The following SCN1A variants were observed in gnomAD, a reference collection of about 807,000 sequenced individuals.
SCN1A encodes sodium channel protein type 1 subunit alpha.
In SCN1A, 13 loss-of-function variants were observed where a neutral mutation model predicts 193.7. The ratio of observed to expected loss-of-function variants is 0.07; its 90% confidence interval spans 0.04 to 0.11. SCN1A has a LOEUF of 0.11. Among genes scored for constraint, SCN1A ranks in the 10% least tolerant of loss-of-function variants. SCN1A has a pLI of 1.00. For synonymous variants in SCN1A, 781 were observed against 843.6 expected, an observed-to-expected ratio of 0.93 and a Z score of 1.29; for missense variants, 1,432 against 2,451.1, an observed-to-expected ratio of 0.58 and a Z score of 8.78.
In SCN1A at chr2:166,019,842, T is replaced by TA. The variant is rs1243168064; in HGVS notation, c.3430-4116dup. 2.0e-5 allele frequency among the ~76,000 whole-genome samples: 3 copies of TA among 152,028 alleles called. No homozygotes were observed. The East Asian group carries it at 5.8e-4, about 29-fold the overall frequency. On this transcript the variant is annotated intron_variant, in intron 19 of 28. Transcript: ENST00000674923. Reference sequence around the variant, plus strand: ...ATGGATGAAGTTTTTGTTTTCAACTTAGAGTTCCAACCAAATCTCCCAAAT... The same window carrying TA: ...ATGGATGAAGTTTTTGTTTTCAACTTAAGAGTTCCAACCAAATCTCCCAAAT...
At chr2:166,040,938 A>G (rs1460947866) in intron 16 of SCN1A, among the ~76,000 whole-genome samples, 1 of 152,212 alleles carries the variant, frequency 6.6e-6, no homozygotes, top group African/African-American at 2.4e-5. Context: ...TAATATCTCA[A>G]AAAGTATGTT....
chr2:166,131,755 A>G (rs79670354), upstream of SCN1A, among the ~76,000 whole-genome samples: 398 of 152,294 alleles, frequency 2.6e-3, 10 homozygotes, highest in East Asian at 0.065. Context: ...ATTCTTTCAA[A>G]TGTGTATCTC....
chr2:166,051,494 G>A (rs1410910002), intron 9 of SCN1A, among the ~76,000 whole-genome samples: 2 of 151,928 alleles, frequency 1.3e-5, no homozygotes, highest in East Asian at 1.9e-4. Context: ...TTTTTAGAGG[G>A]TGTTTTATTT....
At chr2:166,140,588 C>A (rs1419063009) in intron 1 of SCN1A, among the ~76,000 whole-genome samples, 1 of 152,174 alleles carries the variant, frequency 6.6e-6, no homozygotes, top group Non-Finnish European at 1.5e-5. Context: ...ATACACTAAA[C>A]ACATGAGTAG....
intron 1 of SCN1A, among the ~76,000 whole-genome samples, chr2:166,136,889 A>G (rs1691881659): frequency 1.3e-5 from 2 of 152,098 alleles, no homozygotes; most frequent in Non-Finnish European, 2.9e-5. Flanking sequence ...GTGGTCGGGG[A>G]GACTCTCCAA....
chr2:166,073,247 A>T, intron 4 of SCN1A, 111 bp downstream of exon 4: 3 of 1,302,184 alleles, frequency 2.3e-6, no homozygotes, highest in Non-Finnish European at 3.2e-6. Context: ...CATTTCTTAA[A>T]CAGAAGGATA....
chr2:166,093,632 C>T (rs1687066459), intron 2 of SCN1A, among the ~76,000 whole-genome samples: 1 of 152,116 alleles, frequency 6.6e-6, no homozygotes, highest in Non-Finnish European at 1.5e-5. Context: ...CGTGAGCCAC[C>T]ATGCATGGCC....
intron 13 of SCN1A, among the ~76,000 whole-genome samples, chr2:166,044,657 G>GA (rs869204887): frequency 6.6e-5 from 10 of 151,276 alleles, no homozygotes; most frequent in South Asian, 2.1e-4. Flanking sequence ...AAGTTAGGGG[G>GA]AAAAAAAACA....
intron 2 of SCN1A, among the ~76,000 whole-genome samples, chr2:166,089,120 C>A (rs1686478501): frequency 6.6e-6 from 1 of 152,124 alleles, no homozygotes; most frequent in African/African-American, 2.4e-5. Flanking sequence ...CTGCACCCAT[C>A]AACCTGTCAT....
chr2:166,054,050 C>T (rs1388898219), intron 7 of SCN1A, among the ~76,000 whole-genome samples: 1 of 151,778 alleles, frequency 6.6e-6, no homozygotes, highest in Non-Finnish European at 1.5e-5. Flanking sequence ...AGGAGAGAAA[C>T]AGAAAGAGGC....
intron 2 of SCN1A, among the ~76,000 whole-genome samples, chr2:166,111,062 AG>A (rs1689242889): frequency 6.6e-6 from 1 of 152,146 alleles, no homozygotes; most frequent in Admixed American, 6.5e-5. Flanking sequence ...CTTTATTAGT[AG>A]GGTGAGAACA....
At chr2:166,119,663 T>G (rs1690310364) in intron 2 of SCN1A, among the ~76,000 whole-genome samples, 1 of 152,188 alleles carries the variant, frequency 6.6e-6, no homozygotes, top group Non-Finnish European at 1.5e-5. Flanking sequence ...AAGTCTAATT[T>G]TATATTAGAC....
At chr2:166,088,512 CT>C (rs1686397452) in intron 2 of SCN1A, among the ~76,000 whole-genome samples, 1 of 152,024 alleles carries the variant, frequency 6.6e-6, no homozygotes, top group Admixed American at 6.6e-5. Context: ...GAAAATTTTC[CT>C]TTTTGTTATC....
chr2:166,018,108 T>C (rs1693553309), intron 19 of SCN1A, among the ~76,000 whole-genome samples: 1 of 152,028 alleles, frequency 6.6e-6, no homozygotes, highest in South Asian at 2.1e-4. Flanking sequence ...TTACTAGTAA[T>C]ATCATGCAAT....
At chr2:166,117,955 T>A (rs1267794650) in intron 2 of SCN1A, among the ~76,000 whole-genome samples, 1 of 123,238 alleles carries the variant, frequency 8.1e-6, no homozygotes, top group South Asian at 3.0e-4. Context: ...AGAGTGAGAC[T>A]CTGTCTCAAA....
At chr2:165,985,141 G>C (rs1688530849), downstream of SCN1A, 1 of 151,948 alleles carries the variant, frequency 6.6e-6, no homozygotes, top group Non-Finnish European at 1.5e-5. Flanking sequence ...CAGACAAAAA[G>C]GATCAGTCAA....
intron 2 of SCN1A, among the ~76,000 whole-genome samples, chr2:166,098,731 G>C (rs1687684199): frequency 6.6e-6 from 1 of 152,020 alleles, no homozygotes; most frequent in Non-Finnish European, 1.5e-5. Context: ...CAAGCTGAGA[G>C]CCAAGTCAAT....
chr2:166,014,744 C>A (rs557259890), intron 20 of SCN1A, among the ~76,000 whole-genome samples: 2 of 147,670 alleles, frequency 1.4e-5, no homozygotes, highest in South Asian at 2.1e-4. Context: ...AAAGAAGGAA[C>A]TAAGGAGTGA....
chr2:166,058,574 G>C lies in SCN1A; in HGVS notation c.379C>G (p.His127Asp), dbSNP rs148442069. The change falls in exon 5 of 29, where the codon CAT (histidine) becomes GAT (aspartate). Residue 127 changes from histidine (H) to aspartate (D), a missense_variant. Physicochemically the swap from His to Asp is moderately conservative, Grantham distance 81. Around this residue, in one of 18 missense-constraint regions of SCN1A, gnomAD observed 123 missense variants for 282.8 expected, o/e 0.43. Transcript: ENST00000674923. ...LRKIAIKILV[H>D]SLFSMLIMCT... ...TAATCACTTGAAAAAGGATATGAAT[G>C]TACCAAAATCTTAATAGCTATTTTC... 1.5e-4 allele frequency: 232 copies of C among 1,548,624 alleles called. No individual in the cohort carries two copies. The highest frequency in any genetic ancestry group is 2.0e-4 in the Non-Finnish European group (221 of 1,121,312).
Sources: allele counts gnomAD v4.1 joint callset (sites outside exome capture counted in the v4.1 genomes callset), GRCh38; gene constraint gnomAD v4.1.1; regional missense constraint gnomAD v4.1.1; transcripts MANE v1.5; gene names NCBI Gene and HGNC (gene_info 2026-07-23, HGNC 2026-07-21).